The following IL1RAPL2 variants were observed in gnomAD, a reference collection of about 807,000 sequenced individuals.
The protein encoded by IL1RAPL2 is X-linked interleukin-1 receptor accessory protein-like 2.
In IL1RAPL2, 3 loss-of-function variants were observed where a neutral mutation model predicts 44.1. The observed-to-expected ratio is 0.07, with a 90% confidence interval of 0.03 to 0.18. The LOEUF is 0.18. Among genes scored for constraint, IL1RAPL2 ranks in the 10% least tolerant of loss-of-function variants. IL1RAPL2 has a pLI of 1.00. For synonymous variants in IL1RAPL2, 181 were observed against 178.8 expected, an observed-to-expected ratio of 1.01 and a Z score of -0.10; for missense variants, 391 against 496.4, an observed-to-expected ratio of 0.79 and a Z score of 2.02.
chrX:104,694,479 G>A (rs767222541), intron 2 of IL1RAPL2, among the ~76,000 whole-genome samples: 1 of 111,859 alleles, frequency 8.9e-6, no homozygotes, highest in Non-Finnish European at 1.9e-5. Flanking sequence ...TCTAGTTGAT[G>A]TCACTTCTGT....
chrX:105,612,354 C>G (rs1387330511), intron 6 of IL1RAPL2, among the ~76,000 whole-genome samples: 1 of 111,417 alleles, frequency 9.0e-6, no homozygotes, highest in Non-Finnish European at 1.9e-5. Context: ...TGATCCACTG[C>G]TTTGGCCTCC....
intron 1 of IL1RAPL2, 149 bp downstream of exon 1, chrX:104,567,200 T>C (rs1474969900): frequency 8.8e-6 from 1 of 113,013 alleles, no homozygotes; most frequent in East Asian, 2.8e-4. Context: ...ATTTGCCAGT[T>C]GGCTTTCTCT....
chrX:104,876,654 T>TC (rs1176822567), intron 2 of IL1RAPL2, among the ~76,000 whole-genome samples: 21 of 105,112 alleles, frequency 2.0e-4, no homozygotes, highest in Non-Finnish European at 3.5e-4. Flanking sequence ...TAGCTTTCTT[T>TC]TTTTTTTTTT....
chrX:105,032,117 T>C (rs970786227), intron 2 of IL1RAPL2, among the ~76,000 whole-genome samples: 5 of 111,676 alleles, frequency 4.5e-5, no homozygotes, highest in African/African-American at 6.5e-5. Context: ...TCTTCTCTCT[T>C]TTCTTCTTTG....
intron 2 of IL1RAPL2, among the ~76,000 whole-genome samples, chrX:105,012,645 T>A (rs12861153): frequency 0.11 from 5,382 of 47,281 alleles, 152 homozygotes; most frequent in African/African-American, 0.25. Context: ...TCTCTCTCTC[T>A]CACACACACA....
At chrX:105,549,077 G>A (rs1364442685) in intron 6 of IL1RAPL2, among the ~76,000 whole-genome samples, 1 of 111,364 alleles carries the variant, frequency 9.0e-6, no homozygotes, top group African/African-American at 3.3e-5. Context: ...TCTGTGTATG[G>A]TAAACACGCA....
At chrX:105,425,509 A>T (rs1358307444) in intron 5 of IL1RAPL2, among the ~76,000 whole-genome samples, 7 of 92,393 alleles carry the variant, frequency 7.6e-5, no homozygotes, top group Admixed American at 4.2e-4. Context: ...TCCTGAAGTC[A>T]ATTTTTATGC....
intron 9 of IL1RAPL2, among the ~76,000 whole-genome samples, chrX:105,754,734 C>A (rs759448805): frequency 8.9e-6 from 1 of 112,381 alleles, no homozygotes; most frequent in South Asian, 3.7e-4. Flanking sequence ...CAATCTTCCA[C>A]ACTCTAGGGC....
chrX:104,959,152 T>C (rs2029956350), intron 2 of IL1RAPL2, among the ~76,000 whole-genome samples: 1 of 110,710 alleles, frequency 9.0e-6, no homozygotes, highest in African/African-American at 3.3e-5. Context: ...TTAAAAAAAA[T>C]TGCAAAGAAA....
chrX:105,406,184 C>A, intron 5 of IL1RAPL2: 1 of 1,156,334 alleles, frequency 8.6e-7, no homozygotes, highest in Non-Finnish European at 1.2e-6. Flanking sequence ...TCCCTGAATT[C>A]TAAGGAGCAC....
At chrX:105,430,994 ACT>A (rs1473548804) in intron 5 of IL1RAPL2, among the ~76,000 whole-genome samples, 1 of 111,927 alleles carries the variant, frequency 8.9e-6, no homozygotes, top group South Asian at 3.7e-4. Context: ...CATGCTACCG[ACT>A]CTGCAAACTC....
In IL1RAPL2 at chrX:105,159,990, C is replaced by A. The variant is rs1396834154; in HGVS notation, c.83-35485C>A. Among the ~76,000 whole-genome samples the A allele has an allele frequency of 4.0e-5, 4 of 99,096 alleles. No homozygotes were observed. In the East Asian group the frequency reaches 1.5e-3, roughly 37 times the overall value. The allele number at this position is 99,096 out of a possible 115,157, so 86.1% of individuals were successfully genotyped here. A position where few individuals can be genotyped will look rare whatever the true frequency, so the allele number is the denominator to read the frequency against. ...TACAGCTGACTTAAAGAACCCCCCC[C>A]CCCACTCCACCCCATTTTTTTGTGG... On this transcript the variant is annotated intron_variant, in intron 2 of 10. Transcript: ENST00000372582.
chrX:104,707,441 T>C (rs1931381682), intron 2 of IL1RAPL2, among the ~76,000 whole-genome samples: 1 of 111,934 alleles, frequency 8.9e-6, no homozygotes, highest in Non-Finnish European at 1.9e-5. Context: ...AACAAGTGTA[T>C]AGAATGTCTA....
chrX:105,551,345 C>T (rs1025227700), intron 6 of IL1RAPL2, among the ~76,000 whole-genome samples: 3 of 108,767 alleles, frequency 2.8e-5, no homozygotes, highest in Admixed American at 9.8e-5. Flanking sequence ...TCTTCACATA[C>T]GCCTCATTCC....
chrX:104,595,002 A>T (rs1163492353), intron 1 of IL1RAPL2, among the ~76,000 whole-genome samples: 1 of 112,093 alleles, frequency 8.9e-6, no homozygotes, highest in Non-Finnish European at 1.9e-5. Context: ...AATGGGAATG[A>T]CAAACCGTCG....
intron 5 of IL1RAPL2, among the ~76,000 whole-genome samples, chrX:105,289,391 T>C (rs922443347): frequency 2.2e-4 from 24 of 111,202 alleles, no homozygotes; most frequent in African/African-American, 6.9e-4. Context: ...CTCTGGATAT[T>C]GGATAGAACA....
At chrX:104,929,043 A>G (rs746951530) in intron 2 of IL1RAPL2, among the ~76,000 whole-genome samples, 138 of 111,849 alleles carry the variant, frequency 1.2e-3, no homozygotes, top group Non-Finnish European at 2.4e-3. Context: ...TTTTACTAGA[A>G]AGAAAAGTAT....
intron 5 of IL1RAPL2, among the ~76,000 whole-genome samples, chrX:105,345,970 A>G (rs1050304287): frequency 9.8e-5 from 11 of 111,946 alleles, no homozygotes; most frequent in Admixed American, 3.8e-4. Context: ...CCTTTATGGC[A>G]GGCTTGAGAG....
chrX:105,418,448 G>A (rs1419497582), intron 5 of IL1RAPL2, among the ~76,000 whole-genome samples: 1 of 110,837 alleles, frequency 9.0e-6, no homozygotes, highest in Non-Finnish European at 1.9e-5. Context: ...ACCGTTGCCT[G>A]TTATGACAGA....
Sources: gnomAD v4.1 joint callset for allele counts (sites outside exome capture counted in the v4.1 genomes callset) on GRCh38, gnomAD v4.1.1 for gene constraint, MANE v1.5 for transcripts, NCBI Gene and HGNC (gene_info 2026-07-23, HGNC 2026-07-21) for gene names.